Variants in TFE3 observed in about 807,000 individuals in gnomAD.
TFE3 encodes transcription factor E3.
Under a neutral mutation model 35.0 loss-of-function variants are expected in TFE3, and 5 were observed. That is an observed-to-expected ratio of 0.14 (90% confidence interval 0.07 to 0.30). The LOEUF is 0.30. Ranked by LOEUF, TFE3 falls within the 10% of genes least tolerant of loss-of-function variation. The probability of loss-of-function intolerance (pLI) is 1.00; values close to 1 mark genes in which losing one functional copy is unlikely to be tolerated. For synonymous variants in TFE3, 211 were observed against 215.6 expected, an observed-to-expected ratio of 0.98 and a Z score of 0.18; for missense variants, 374 against 496.6, an observed-to-expected ratio of 0.75 and a Z score of 2.35.
intron 5 of TFE3, among the ~76,000 whole-genome samples, chrX:49,035,373 C>G (rs1382474730): frequency 4.2e-5 from 4 of 95,404 alleles, no homozygotes; most frequent in Non-Finnish European, 8.1e-5. Context: ...ATATCCAAAT[C>G]CCACTTCTTC....
Position 49,029,998 on chromosome X carries a change from C to A in TFE3, c.*160G>T. 1.7e-6 allele frequency: 1 copy of A among 583,522 alleles called. No individual in the cohort carries two copies. The allele number at this position is 583,522 out of a possible 1,213,427, so 48.1% of individuals were successfully genotyped here. ...TGCAGGGCCTCATCTGACTCCTCCT[C>A]CTTGCCTGATTACAGGGGTGGGGCC... On this transcript the variant is annotated 3_prime_UTR_variant, in exon 10 of 10. Coordinates refer to ENST00000315869, the MANE Select transcript of TFE3 (RefSeq NM_006521.6).
chrX:49,039,520 G>A, intron 2 of TFE3, 110 bp from the exon 3 acceptor site: 1 of 828,451 alleles, frequency 1.2e-6, no homozygotes, highest in Non-Finnish European at 1.6e-6. Context: ...CCTGTTCTCT[G>A]CCTTCCGAGG....
intron 9 of TFE3, 124 bp downstream of exon 9, chrX:49,031,273 G>T (rs2064698291): frequency 1.4e-6 from 1 of 732,189 alleles, no homozygotes; most frequent in Non-Finnish European, 1.9e-6. Flanking sequence ...ATCATCGTGT[G>T]ATCTGGGAAG....
At chrX:49,033,649 T>C (rs1463376605) in intron 7 of TFE3, 77 bp downstream of exon 7, 10 of 1,177,455 alleles carry the variant, frequency 8.5e-6, no homozygotes, top group Non-Finnish European at 1.2e-5. Context: ...AGGGAAGGAG[T>C]TCCCCATGGG....
intron 1 of TFE3, among the ~76,000 whole-genome samples, chrX:49,041,532 T>G (rs1467138417): frequency 9.0e-6 from 1 of 111,419 alleles, no homozygotes; most frequent in Non-Finnish European, 1.9e-5. Flanking sequence ...AGAATTTGGG[T>G]GGTTGATCCA....
chrX:49,043,011 A>C, intron 1 of TFE3, 100 bp downstream of exon 1: 1 of 689,268 alleles, frequency 1.5e-6, no homozygotes. Context: ...CTCCAAGGCT[A>C]GGCCGAGGGC....
chrX:49,039,267 G>A lies in TFE3; in HGVS notation c.374C>T (p.Ala125Val), dbSNP rs782500227. The A allele has an allele frequency of 1.7e-6, 2 of 1,206,994 alleles. No homozygotes were observed. ...LLRQQLMRAQ[A>V]QEQERRERRE... ...ACGCTCACGCCTCTCCTGCTCCTGC[G>A]CCTGGGCCCGCATTAGCTGCTGCCG... Residue 125 changes from alanine to valine, a missense_variant, in exon 3 of 10, where the codon GCG becomes GTG. Ala to Val is a moderately conservative substitution (Grantham distance 64, BLOSUM62 0). This residue lies in a region of TFE3 where 167 missense variants were observed against 297.2 expected (regional missense o/e 0.56). Transcript: ENST00000315869.
At position 49,030,560 on chromosome X, in the gene TFE3, A is replaced by G; in HGVS notation, c.1326T>C (p.Pro442=). Residue 442 remains proline (P), a synonymous_variant, in exon 10 of 10, where the codon CCT becomes CCC. Coordinates refer to ENST00000315869, the MANE Select transcript of TFE3 (RefSeq NM_006521.6). ...LQAQIHGLPV[P]PTPGLLSLAT... is the part of the protein sequence containing the mutation. ...CCAAGGAAAGCAGCCCTGGAGTGGG[A>G]GGTACTGGCAGGCCATGGATCTGGG... 1 of 1,210,700 alleles carries G rather than the reference A, an allele frequency of 8.3e-7. No individual in the cohort carries two copies. Among genetic ancestry groups the G allele is most frequent in the Non-Finnish European group, 1.1e-6 (1 of 895,035 alleles).
intron 1 of TFE3, 33 bp from the exon 2 acceptor site, chrX:49,040,601 G>T (rs868977164): frequency 5.0e-6 from 5 of 1,005,311 alleles, no homozygotes; most frequent in South Asian, 1.9e-5. Context: ...GTCAGTGATT[G>T]AATGAAGGAC....
At chrX:49,035,025 C>T (rs2064720092) in intron 5 of TFE3, among the ~76,000 whole-genome samples, 1 of 110,275 alleles carries the variant, frequency 9.1e-6, no homozygotes, top group African/African-American at 3.3e-5. Flanking sequence ...TTAAGTATAC[C>T]CAGGGCCAGG....
chrX:49,040,665 A>T, intron 1 of TFE3, 97 bp from the exon 2 acceptor site: 1 of 594,561 alleles, frequency 1.7e-6, no homozygotes, highest in Non-Finnish European at 2.8e-6. Flanking sequence ...GGGGGGGAGA[A>T]CGAAGAGGAG....
At position 49,039,360 on chromosome X, in the gene TFE3, G is replaced by T. The variant is rs782296286; in HGVS notation, c.281C>A (p.Ala94Glu). ...ATPATPATLSASSSAGGSRTP... is the reference protein window; with the variant it reads ...ATPATPATLSESSSAGGSRTP... Reference sequence around the variant, plus strand: ...CCTGGAGCCCCCTGCAGAAGACGATGCAGAGAGTGTAGCTGGGGTGGCTGG... The same window carrying T: ...CCTGGAGCCCCCTGCAGAAGACGATTCAGAGAGTGTAGCTGGGGTGGCTGG... The change falls in exon 3 of 10, where the codon GCA (alanine) becomes GAA (glutamate). Residue 94 changes from alanine to glutamate, a missense_variant. By Grantham distance (107) the Ala-to-Glu change is moderately radical. Transcript: ENST00000315869. 8.3e-7 allele frequency: 1 copy of T among 1,205,226 alleles called. No homozygotes were observed.
rs1423350742 is a variant in TFE3 at position 49,029,640 on chromosome X, G to A, written c.*518C>T. Reference sequence around the variant, plus strand: ...TTCCTTGCCTGGGCAGAGCAGGGCAGGGTTCATGGGGAAGGGGCAGAGCTT... The same window carrying A: ...TTCCTTGCCTGGGCAGAGCAGGGCAAGGTTCATGGGGAAGGGGCAGAGCTT... On this transcript the variant is annotated 3_prime_UTR_variant, in exon 10 of 10. Transcript: ENST00000315869. The A allele has an allele frequency of 2.4e-6, 1 of 408,957 alleles. No individual in the cohort carries two copies. The highest frequency in any genetic ancestry group is 2.5e-5 in the Admixed American group (1 of 40,390). 33.7% of individuals were successfully genotyped at this position (408,957 alleles called of 1,213,427 possible). A position where few individuals can be genotyped will look rare whatever the true frequency, so the allele number is the denominator to read the frequency against.
rs782811600 is a variant in TFE3 at position 49,031,419 on chromosome X, C to T, written c.1262G>A (p.Arg421His). 6 of 1,201,875 alleles carry T rather than the reference C, an allele frequency of 5.0e-6. No individual in the cohort carries two copies. The highest frequency in any genetic ancestry group is 5.6e-6 in the Non-Finnish European group (5 of 890,215). ...SRQRSLEQANRSLQLRIQELE... is the reference protein window; with the variant it reads ...SRQRSLEQANHSLQLRIQELE... ...AACCTGAATTCGGAGCTGCAGGCTG[C>T]GGTTGGCCTGCTCCAGGGATCGCTG... Residue 421 changes from arginine to histidine, a missense_variant, in exon 9 of 10, where the codon CGC (arginine) becomes CAC (histidine). Physicochemically the swap from Arg to His is conservative, Grantham distance 29. Around this residue, in one of 3 missense-constraint regions of TFE3, gnomAD observed 167 missense variants for 297.2 expected, o/e 0.56. Transcript: ENST00000315869.
At chrX:49,031,638 CACA>C in intron 8 of TFE3, 94 bp from the exon 9 acceptor site, 2 of 973,566 alleles carry the variant, frequency 2.1e-6, no homozygotes, top group Non-Finnish European at 2.7e-6. Context: ...AGCCTCCCAC[CACA>C]TGCTTAGAAC....
rs1557073342 is a variant in TFE3 at position 49,029,839 on chromosome X, C to T, written c.*319G>A. 2.0e-6 allele frequency: 1 copy of T among 490,886 alleles called. No homozygotes were observed. The highest frequency in any genetic ancestry group is 2.3e-5 in the South Asian group (1 of 43,211). The allele number at this position is 490,886 out of a possible 1,213,427, so 40.5% of individuals were successfully genotyped here. A position where few individuals can be genotyped will look rare whatever the true frequency, so the allele number is the denominator to read the frequency against. On this transcript the variant is annotated 3_prime_UTR_variant, in exon 10 of 10. Coordinates refer to ENST00000315869, the MANE Select transcript of TFE3 (RefSeq NM_006521.6). ...TCGAGACCTCATCCTGTCTCCTTCCCTCACCTGGGCAAGGATGAGTCCCAC... is the reference window on the plus strand; with the variant it reads ...TCGAGACCTCATCCTGTCTCCTTCCTTCACCTGGGCAAGGATGAGTCCCAC...
Position 49,031,362 on chromosome X carries a change from C to T in TFE3, c.1284+35G>A, listed in dbSNP as rs371538827. ...TGCCTCCACCTGCAGGAAGCTCTCC[C>T]CCTCTTCCCCCACCACCATCTCCTC... On this transcript the variant is annotated intron_variant, in intron 9 of 9. Transcript: ENST00000315869. 96 of 1,158,607 alleles carry T rather than the reference C, an allele frequency of 8.3e-5. No homozygotes were observed. In the Middle Eastern group the frequency reaches 1.5e-3, roughly 18 times the overall value.
In TFE3 at chrX:49,038,217, C is replaced by T. The variant is rs1557075080; in HGVS notation, c.760G>A (p.Gly254Arg). 2 of 1,211,457 alleles carry T rather than the reference C, an allele frequency of 1.7e-6. No individual in the cohort carries two copies. Among genetic ancestry groups the T allele is most frequent in the Non-Finnish European group, 2.2e-6 (2 of 895,490 alleles). The change falls in exon 4 of 10, where the codon GGG (glycine) becomes AGG (arginine). Residue 254 changes from glycine to arginine, a missense_variant. Transcript: ENST00000315869. Reference sequence around the variant, plus strand: ...CTTACCTCCTTCTCTGAGCTGGACCCGATGGTGAGCAGCGCCATGGGGCTG... The same window carrying T: ...CTTACCTCCTTCTCTGAGCTGGACCTGATGGTGAGCAGCGCCATGGGGCTG... ...PNSPMALLTI[G>R]SSSEKEIDDV...
chrX:49,039,624 G>A, intron 2 of TFE3: 3 of 374,349 alleles, frequency 8.0e-6, no homozygotes, highest in Non-Finnish European at 1.3e-5. Flanking sequence ...TCAGTCTGGT[G>A]GGGGAGTTTT....
Sources: allele counts gnomAD v4.1 joint callset (sites outside exome capture counted in the v4.1 genomes callset), GRCh38; gene constraint gnomAD v4.1.1; regional missense constraint gnomAD v4.1.1; transcripts MANE v1.5; gene names NCBI Gene and HGNC (gene_info 2026-07-23, HGNC 2026-07-21).